Variants in MARCHF1 observed in about 807,000 individuals in gnomAD.
MARCHF1 encodes the protein E3 ubiquitin-protein ligase MARCHF1.
In MARCHF1, 40 loss-of-function variants were observed where a neutral mutation model predicts 54.2. The ratio of observed to expected loss-of-function variants is 0.74; its 90% CI spans 0.57 to 0.96. The LOEUF (loss-of-function observed/expected upper bound fraction) is 0.96, where lower values mean the gene tolerates loss of function less well. Ranked by LOEUF, MARCHF1 falls within the 40% of genes least tolerant of loss-of-function variation. MARCHF1 has a pLI of 0.00. For synonymous variants in MARCHF1, 236 were observed against 236.3 expected (o/e 1.00, Z 0.01); for missense variants, 586 against 656.5 (o/e 0.89, Z 1.17).
intron 4 of MARCHF1, among the ~76,000 whole-genome samples, chr4:163,745,591 A>G (rs972700154): frequency 2.0e-5 from 3 of 152,146 alleles, no homozygotes; most frequent in African/African-American, 7.2e-5. Flanking sequence ...CTCAATATGG[A>G]TCCCTCTTAT....
At chr4:164,373,432 G>A (rs1731096398) in intron 1 of MARCHF1, among the ~76,000 whole-genome samples, 1 of 129,132 alleles carries the variant, frequency 7.7e-6, no homozygotes, top group Admixed American at 1.0e-4. Context: ...TTGGCTCACT[G>A]CTATCTCCAC....
chr4:163,723,673 G>C (rs1294615681), intron 4 of MARCHF1, among the ~76,000 whole-genome samples: 1 of 152,190 alleles, frequency 6.6e-6, no homozygotes, highest in Admixed American at 6.5e-5. Context: ...AACAGATGTA[G>C]ATTTGGTCTT....
chr4:164,221,493 A>T (rs566432592), intron 1 of MARCHF1, among the ~76,000 whole-genome samples: 5 of 152,188 alleles, frequency 3.3e-5, no homozygotes, highest in African/African-American at 1.2e-4. Flanking sequence ...CTACATCCAC[A>T]TAAAAGATAA....
At chr4:163,711,123 C>T (rs1394127021) in intron 4 of MARCHF1, among the ~76,000 whole-genome samples, 2 of 151,620 alleles carry the variant, frequency 1.3e-5, no homozygotes, top group South Asian at 4.2e-4. Flanking sequence ...GTAAATTACA[C>T]GTCATTTACA....
chr4:163,612,205 G>A lies in MARCHF1; in HGVS notation c.1010+66C>T, dbSNP rs1312455243. 1.2e-5 allele frequency: 16 copies of A among 1,299,210 alleles called. No individual in the cohort carries two copies. In the East Asian group the frequency reaches 3.2e-4, roughly 26 times the overall value. The allele number at this position is 1,299,210 out of a possible 1,614,324, so 80.5% of individuals were successfully genotyped here. Reference sequence around the variant, plus strand: ...AGTTTTGAGGGTAGGTGTCAAACACGCACCTAACTCACTGCAAAAAGAACT... The same window carrying A: ...AGTTTTGAGGGTAGGTGTCAAACACACACCTAACTCACTGCAAAAAGAACT... On this transcript the variant is annotated intron_variant, in intron 7 of 9. Transcript: ENST00000514618.
intron 1 of MARCHF1, among the ~76,000 whole-genome samples, chr4:164,296,605 A>G (rs934480710): frequency 2.6e-5 from 4 of 151,984 alleles, no homozygotes; most frequent in African/African-American, 9.7e-5. Flanking sequence ...CCTGACCTCA[A>G]GTGATCTGCC....
At chr4:164,050,239 C>A (rs866521296) in intron 2 of MARCHF1, among the ~76,000 whole-genome samples, 1 of 120,124 alleles carries the variant, frequency 8.3e-6, no homozygotes, top group Admixed American at 1.1e-4. Flanking sequence ...CACGACACTG[C>A]ATTCCAGCCT....
chr4:164,042,888 C>T (rs1754159126), intron 2 of MARCHF1, among the ~76,000 whole-genome samples: 1 of 152,186 alleles, frequency 6.6e-6, no homozygotes, highest in East Asian at 1.9e-4. Flanking sequence ...CATGCAAGTC[C>T]AAAACCCAGC....
At chr4:163,738,900 C>T (rs561125972) in intron 4 of MARCHF1, among the ~76,000 whole-genome samples, 7 of 152,298 alleles carry the variant, frequency 4.6e-5, no homozygotes, top group Admixed American at 1.3e-4. Context: ...CTCCTTCCTA[C>T]ATTGTTTTTA....
chr4:164,248,064 A>T (rs1229031372), intron 1 of MARCHF1, among the ~76,000 whole-genome samples: 3 of 151,814 alleles, frequency 2.0e-5, no homozygotes, highest in Non-Finnish European at 2.9e-5. Flanking sequence ...TATAAAATTG[A>T]AGTTATTTTC....
intron 2 of MARCHF1, among the ~76,000 whole-genome samples, chr4:164,038,492 C>CAAAT (rs930596015): frequency 1.3e-5 from 2 of 152,004 alleles, no homozygotes; most frequent in Non-Finnish European, 2.9e-5. Flanking sequence ...GACTCTGTCT[C>CAAAT]AAATAAATAA....
At chr4:163,627,374 C>T (rs907722085) in intron 5 of MARCHF1, among the ~76,000 whole-genome samples, 3 of 152,158 alleles carry the variant, frequency 2.0e-5, no homozygotes, top group Admixed American at 6.5e-5. Context: ...AATGTCTAAA[C>T]CTTTCTTCGA....
chr4:163,832,906 C>A (rs1432675007), intron 4 of MARCHF1, among the ~76,000 whole-genome samples: 9 of 151,972 alleles, frequency 5.9e-5, no homozygotes, highest in African/African-American at 1.7e-4. Context: ...CATGTCCCTA[C>A]AAAGGACATG....
intron 8 of MARCHF1, chr4:163,555,878 G>T: frequency 4.4e-6 from 2 of 454,086 alleles, no homozygotes; most frequent in Non-Finnish European, 8.9e-6. Flanking sequence ...GGCACACGTG[G>T]AATCTGCACA....
At chr4:163,553,567 CT>C (rs1739186335) in intron 8 of MARCHF1, among the ~76,000 whole-genome samples, 1 of 152,144 alleles carries the variant, frequency 6.6e-6, no homozygotes, top group African/African-American at 2.4e-5. Context: ...GTAGAAACAG[CT>C]AAAAGATGGC....
intron 1 of MARCHF1, among the ~76,000 whole-genome samples, chr4:164,280,446 T>C (rs992403510): frequency 1.3e-5 from 2 of 152,020 alleles, no homozygotes; most frequent in African/African-American, 4.8e-5. Context: ...ATGGTGGCAT[T>C]TTAAATTAGT....
At position 164,156,408 on chromosome 4, in the gene MARCHF1, T is replaced by A. The variant is rs1297137431; in HGVS notation, c.-322-44746A>T. ...CATAGAGAAATGGGGAAGAGAAAAC[T>A]CAAATTCTTGTGTTTTTTTAATTTT... On this transcript the variant is annotated intron_variant, in intron 1 of 9. Coordinates refer to ENST00000514618, the MANE Select transcript of MARCHF1 (RefSeq NM_001394959.1). 2.7e-5 allele frequency among the ~76,000 whole-genome samples: 4 copies of A among 150,358 alleles called. No individual in the cohort carries two copies. In the Admixed American group the frequency reaches 2.7e-4, roughly 10 times the overall value.
chr4:164,335,942 G>A (rs1579730597), intron 1 of MARCHF1, among the ~76,000 whole-genome samples: 1 of 152,014 alleles, frequency 6.6e-6, no homozygotes, highest in East Asian at 1.9e-4. Flanking sequence ...AGCTTAGTAT[G>A]CTATCTAGTA....
At position 163,629,509 on chromosome 4, in the gene MARCHF1, T is replaced by C. The variant is rs536146551; in HGVS notation, c.163-16116A>G. On this transcript the variant is annotated intron_variant, in intron 5 of 9. Coordinates refer to ENST00000514618, the MANE Select transcript of MARCHF1 (RefSeq NM_001394959.1). ...GACATAGGTATGGGCAAAGACTTCA[T>C]GAGTGAAACAGCAAAAGCAATGGTA... Among the ~76,000 whole-genome samples, 33 of 152,188 alleles carry C rather than the reference T, an allele frequency of 2.2e-4. 1 individual carries two copies. Among genetic ancestry groups the C allele is most frequent in the Non-Finnish European group, 3.2e-4 (22 of 68,030 alleles).
Sources: gnomAD v4.1 joint callset for allele counts (sites outside exome capture counted in the v4.1 genomes callset) on GRCh38, gnomAD v4.1.1 for gene constraint, MANE v1.5 for transcripts, NCBI Gene and HGNC (gene_info 2026-07-23, HGNC 2026-07-21) for gene names.